The following ESRP1 variants were observed in gnomAD, a reference collection of about 807,000 sequenced individuals.
ESRP1 encodes epithelial splicing regulatory protein 1.
ESRP1 carries 33 observed loss-of-function variants against 81.7 expected under a neutral mutation model. The ratio of observed to expected loss-of-function variants is 0.40; its 90% CI spans 0.31 to 0.54. ESRP1 has a LOEUF of 0.54. Ranked by LOEUF, ESRP1 falls within the 20% of genes least tolerant of loss-of-function variation. ESRP1 has a pLI of 0.41. For synonymous variants in ESRP1, 320 were observed against 303.3 expected (o/e 1.06, Z -0.57); for missense variants, 672 against 833.1 (o/e 0.81, Z 2.38).
intron 8 of ESRP1, 47 bp from the exon 9 acceptor site, chr8:94,665,107 C>G: frequency 5.0e-6 from 8 of 1,613,736 alleles, no homozygotes; most frequent in Non-Finnish European, 6.8e-6. Context: ...TGAGAATTAA[C>G]ATAGGACGGA....
At chr8:94,678,131 T>C (rs554332248) in intron 12 of ESRP1, 72 bp from the exon 13 acceptor site, 1 of 1,488,374 alleles carries the variant, frequency 6.7e-7, no homozygotes, top group Non-Finnish European at 9.2e-7. Flanking sequence ...ACAGTGACTA[T>C]GTTTTTAGTG....
chr8:94,686,244 T>G (rs572933903), intron 13 of ESRP1, among the ~76,000 whole-genome samples: 149 of 152,298 alleles, frequency 9.8e-4, no homozygotes, highest in African/African-American at 3.3e-3. Flanking sequence ...TACCTATATA[T>G]GTACAGAGGA....
chr8:94,643,086 C>G (rs982865567), intron 2 of ESRP1, among the ~76,000 whole-genome samples: 1 of 152,186 alleles, frequency 6.6e-6, no homozygotes, highest in Non-Finnish European at 1.5e-5. Context: ...TGACAAGTTT[C>G]TCCTGGGCGC....
chr8:94,686,012 A>G (rs372783400), intron 13 of ESRP1, among the ~76,000 whole-genome samples: 86 of 152,192 alleles, frequency 5.7e-4, no homozygotes, highest in African/African-American at 2.0e-3. Context: ...CAGTGGTGCA[A>G]TCTCGGCTCA....
Position 94,674,461 on chromosome 8 carries a change from A to C in ESRP1, c.1606A>C (p.Thr536Pro). The C allele has an allele frequency of 6.2e-7, 1 of 1,613,898 alleles. No homozygotes were observed. Among genetic ancestry groups the C allele is most frequent in the Non-Finnish European group, 8.5e-7 (1 of 1,179,852 alleles). ...EEMNFVLMGG[T>P]LNRNGLSPPP... ...GATGAACTTTGTGTTAATGGGGGGCACTTTAAATCGAAATGGCTTATCCCC... is the reference window on the plus strand; with the variant it reads ...GATGAACTTTGTGTTAATGGGGGGCCCTTTAAATCGAAATGGCTTATCCCC... Residue 536 changes from threonine to proline, a missense_variant, in exon 12 of 16, where the codon ACT (threonine) becomes CCT (proline). Physicochemically the swap from Thr to Pro is conservative, Grantham distance 38. Coordinates refer to ENST00000433389, the MANE Select transcript of ESRP1 (RefSeq NM_017697.4).
At chr8:94,675,766 A>G (rs908748436) in intron 12 of ESRP1, among the ~76,000 whole-genome samples, 1 of 152,178 alleles carries the variant, frequency 6.6e-6, no homozygotes, top group African/African-American at 2.4e-5. Flanking sequence ...TGGTCATTAC[A>G]GATTTTTCCT....
chr8:94,693,667 A>G (rs1042982833), intron 14 of ESRP1, among the ~76,000 whole-genome samples: 1 of 152,126 alleles, frequency 6.6e-6, no homozygotes, highest in Non-Finnish European at 1.5e-5. Context: ...TGGAGTGGAG[A>G]AGCTGTTTTC....
intron 4 of ESRP1, among the ~76,000 whole-genome samples, chr8:94,659,968 G>A (rs561010612): frequency 6.6e-6 from 1 of 152,306 alleles, no homozygotes; most frequent in South Asian, 2.1e-4. Context: ...GGAAGCTGCA[G>A]AAGAAAAGCT....
chr8:94,682,639 T>G (rs149180731), intron 13 of ESRP1, among the ~76,000 whole-genome samples: 47,047 of 151,458 alleles, frequency 0.31, 8,709 homozygotes, highest in East Asian at 0.56. Flanking sequence ...TGTGCTGGGA[T>G]TACAGGTGTG....
chr8:94,662,593 TTG>T lies in ESRP1; in HGVS notation c.644+40_644+41del, dbSNP rs1254140318. ...GTACTATTTATTTGAGCTTTTTAAC[TTG>T]TTTTTTTTTTTTGTCTGTTTGTTTG... On this transcript the variant is annotated intron_variant, in intron 6 of 15. Transcript: ENST00000433389. 5 of 1,442,902 alleles carry T rather than the reference TTG, an allele frequency of 3.5e-6. No individual in the cohort carries two copies. The East Asian group carries it at 7.6e-5, about 22-fold the overall frequency. 89.4% of individuals were successfully genotyped at this position (1,442,902 alleles called of 1,614,324 possible). A position where few individuals can be genotyped will look rare whatever the true frequency, so the allele number is the denominator to read the frequency against.
At chr8:94,669,498 A>G (rs1819196902) in intron 10 of ESRP1, among the ~76,000 whole-genome samples, 1 of 152,190 alleles carries the variant, frequency 6.6e-6, no homozygotes, top group South Asian at 2.1e-4. Context: ...AGTATAATTG[A>G]AATTCTAAAT....
intron 15 of ESRP1, among the ~76,000 whole-genome samples, chr8:94,697,564 C>A (rs1468457880): frequency 2.0e-5 from 3 of 152,192 alleles, no homozygotes; most frequent in African/African-American, 7.2e-5. Context: ...AATAACATTT[C>A]ATTGCATGGA....
chr8:94,692,318 A>G (rs1563547057), intron 13 of ESRP1, among the ~76,000 whole-genome samples: 1 of 151,908 alleles, frequency 6.6e-6, no homozygotes, highest in South Asian at 2.1e-4. Flanking sequence ...GTGCCTCTTC[A>G]TGCCTTAGTG....
At chr8:94,649,024 C>G (rs989148358) in intron 4 of ESRP1, among the ~76,000 whole-genome samples, 1 of 152,194 alleles carries the variant, frequency 6.6e-6, no homozygotes, top group Non-Finnish European at 1.5e-5. Context: ...AGTTCAAGAT[C>G]AGCCTTGCCA....
At position 94,649,285 on chromosome 8, in the gene ESRP1, C is replaced by G. The variant is rs115478977; in HGVS notation, c.490+3003C>G. ...TTCTCTCAAACTCCTGGCCTCAAGC[C>G]ATCCTCCTGTCTTGGCCTCCCAAAA... On this transcript the variant is annotated intron_variant, in intron 4 of 15. Coordinates refer to ENST00000433389, the MANE Select transcript of ESRP1 (RefSeq NM_017697.4). 8.5e-3 allele frequency among the ~76,000 whole-genome samples: 1,292 copies of G among 152,300 alleles called. 19 individuals carry two copies. The highest frequency in any genetic ancestry group is 0.029 in the African/African-American group (1,193 of 41,556).
Position 94,688,510 on chromosome 8 carries a change from A to G in ESRP1, c.1821-4167A>G. ...TGGCAGAATTATCTGCTTCCACGTC[A>G]TCAGTTTGGTTTCATTATACTGACA... On this transcript the variant is annotated intron_variant, in intron 13 of 15. Coordinates refer to ENST00000433389, the MANE Select transcript of ESRP1 (RefSeq NM_017697.4). 2.3e-5 allele frequency: 5 copies of G among 219,412 alleles called. No homozygotes were observed. The South Asian group carries it at 3.6e-4, about 16-fold the overall frequency. The allele number at this position is 219,412 out of a possible 1,614,324, so 13.6% of individuals were successfully genotyped here.
intron 12 of ESRP1, among the ~76,000 whole-genome samples, chr8:94,677,523 T>C (rs1057157098): frequency 5.3e-5 from 8 of 152,246 alleles, no homozygotes; most frequent in East Asian, 1.9e-4. Flanking sequence ...TATTAGTTGA[T>C]TCCCAGGAAG....
intron 4 of ESRP1, among the ~76,000 whole-genome samples, chr8:94,661,411 CA>C (rs1419848800): frequency 6.6e-6 from 1 of 152,126 alleles, no homozygotes; most frequent in Admixed American, 6.6e-5. Context: ...ATACTTAGAA[CA>C]GTCAAAACAT....
At position 94,701,118 on chromosome 8, in the gene ESRP1, GA is replaced by G. The variant is rs544276883; in HGVS notation, c.*35+4164del. Among the ~76,000 whole-genome samples, 587 of 147,570 alleles carry G rather than the reference GA, an allele frequency of 4.0e-3. 4 individuals carry two copies. The highest frequency in any genetic ancestry group is 0.014 in the African/African-American group (567 of 40,048). ...CGAAACCCTGTCTTTACTAAAAATA[GA>G]AAAAAATTAGCTGGGTGTGGTGGTG... On this transcript the variant is annotated intron_variant, in intron 15 of 15. Transcript: ENST00000433389.
Sources: gnomAD v4.1 joint callset for allele counts (sites outside exome capture counted in the v4.1 genomes callset) on GRCh38, gnomAD v4.1.1 for gene constraint, MANE v1.5 for transcripts, NCBI Gene and HGNC (gene_info 2026-07-23, HGNC 2026-07-21) for gene names.